CSRNP1: variants seen among roughly 807,000 people sequenced by gnomAD.
CSRNP1 encodes cysteine/serine-rich nuclear protein 1.
In CSRNP1, 8 loss-of-function variants were observed where a neutral mutation model predicts 25.0. The ratio of observed to expected loss-of-function variants is 0.32; its 90% CI spans 0.19 to 0.58. The LOEUF (loss-of-function observed/expected upper bound fraction) is 0.58. Among genes scored for constraint, CSRNP1 ranks in the 20% least tolerant of loss-of-function variants. The pLI is 0.88. For synonymous variants in CSRNP1, 305 were observed against 303.1 expected, an observed-to-expected ratio of 1.01 and a Z score of -0.06; for missense variants, 691 against 773.1, an observed-to-expected ratio of 0.89 and a Z score of 1.26.
chr3:39,142,935 G>T lies in CSRNP1; in HGVS notation c.*120C>A. On this transcript the variant is annotated 3_prime_UTR_variant, in exon 5 of 5. Coordinates refer to ENST00000273153, the MANE Select transcript of CSRNP1 (RefSeq NM_033027.4). Reference sequence around the variant, plus strand: ...AGAATTGTTTGAAAACCAGGAGTGTGCACATGGCACCTGTGGGTGAGCCAG... The same window carrying T: ...AGAATTGTTTGAAAACCAGGAGTGTTCACATGGCACCTGTGGGTGAGCCAG... 1 of 1,105,586 alleles carries T rather than the reference G, an allele frequency of 9.0e-7. No homozygotes were observed. The highest frequency in any genetic ancestry group is 1.3e-6 in the Non-Finnish European group (1 of 767,096). 68.5% of individuals were successfully genotyped at this position (1,105,586 alleles called of 1,614,324 possible). A position where few individuals can be genotyped will look rare whatever the true frequency, so the allele number is the denominator to read the frequency against.
intron 2 of CSRNP1, among the ~76,000 whole-genome samples, chr3:39,145,558 C>A (rs1365951678): frequency 2.6e-5 from 4 of 152,110 alleles, no homozygotes; most frequent in African/African-American, 9.7e-5. Context: ...GTACAGTTTT[C>A]TATTGTTTTT....
At chr3:39,148,771 G>A (rs951541769) in intron 1 of CSRNP1, 2 of 152,272 alleles carry the variant, frequency 1.3e-5, no homozygotes, top group African/African-American at 4.8e-5. Context: ...GGGAGTTCAT[G>A]TAAATCCGTT....
chr3:39,152,199 A>C (rs2039590410), intron 1 of CSRNP1: 2 of 152,554 alleles, frequency 1.3e-5, no homozygotes, highest in African/African-American at 4.8e-5. Context: ...AGTTCCAGAT[A>C]GGGGCTCCGC....
chr3:39,142,823 T>TG lies in CSRNP1; in HGVS notation c.*231dup, dbSNP rs573912089. On this transcript the variant is annotated 3_prime_UTR_variant, in exon 5 of 5. Transcript: ENST00000273153. ...GAGATAGAAGAGCAAGCTGTGGGTGTGGGGGGCCGGGCAGCTGAAAGGGGA... is the reference window on the plus strand; with the variant it reads ...GAGATAGAAGAGCAAGCTGTGGGTGTGGGGGGGCCGGGCAGCTGAAAGGGGA... 3.1e-4 allele frequency: 132 copies of TG among 426,766 alleles called. 2 individuals are homozygous for TG. In the East Asian group the frequency reaches 3.1e-3, roughly 10 times the overall value. 26.4% of individuals were successfully genotyped at this position (426,766 alleles called of 1,614,324 possible). A position where few individuals can be genotyped will look rare whatever the true frequency, so the allele number is the denominator to read the frequency against.
In CSRNP1 at chr3:39,146,629, C is replaced by A; in HGVS notation, c.54G>T (p.Ser18=). Residue 18 remains serine (S), a synonymous_variant, in exon 2 of 5, where the codon TCG becomes TCT. Coordinates refer to ENST00000273153, the MANE Select transcript of CSRNP1 (RefSeq NM_033027.4). ...KFDQLDEDNS[S]VSSSSSSSGC... ...CAGAGGAAGAGGAGGAGGAGGAGAC[C>A]GAGGAGTTGTCCTCATCCAGCTGGT... 1.9e-6 allele frequency: 3 copies of A among 1,572,334 alleles called. No individual in the cohort carries two copies. Among genetic ancestry groups the A allele is most frequent in the Non-Finnish European group, 2.6e-6 (3 of 1,158,564 alleles).
intron 2 of CSRNP1, 30 bp downstream of exon 2, chr3:39,146,448 G>A: frequency 6.7e-7 from 1 of 1,495,024 alleles, no homozygotes; most frequent in Non-Finnish European, 8.9e-7. Flanking sequence ...GCAGGCAGGT[G>A]ATGGAGTTCC....
rs1045645967 is a variant in CSRNP1 at position 39,143,989 on chromosome 3, A to G, written c.836T>C (p.Met279Thr). The G allele has an allele frequency of 1.9e-6, 3 of 1,613,712 alleles. No homozygotes were observed. Among genetic ancestry groups the G allele is most frequent in the African/African-American group, 1.3e-5 (1 of 74,924 alleles). Residue 279 changes from methionine to threonine, a missense_variant, in exon 5 of 5, where the codon ATG becomes ACG. Met to Thr is a moderately conservative substitution (Grantham distance 81). Coordinates refer to ENST00000273153, the MANE Select transcript of CSRNP1 (RefSeq NM_033027.4). Reference sequence around the variant, plus strand: ...TGCCTGATTAAATTCCACACGGCCCATGGGGTTCTCACAGCCCTCCCTGCA... The same window carrying G: ...TGCCTGATTAAATTCCACACGGCCCGTGGGGTTCTCACAGCCCTCCCTGCA... Reference protein sequence around the residue: ...GCCREGCENPMGRVEFNQARV... With the variant: ...GCCREGCENPTGRVEFNQARV...
chr3:39,147,277 C>A (rs563671346), intron 1 of CSRNP1, among the ~76,000 whole-genome samples: 1 of 152,038 alleles, frequency 6.6e-6, no homozygotes, highest in South Asian at 2.1e-4. Context: ...ACAGCCCGCA[C>A]GGCCCTGGTA....
In CSRNP1 at chr3:39,144,052, G is replaced by C. The variant is rs936990444; in HGVS notation, c.781-8C>G. 1 of 1,609,642 alleles carries C rather than the reference G, an allele frequency of 6.2e-7. No homozygotes were observed. Among genetic ancestry groups the C allele is most frequent in the African/African-American group, 1.3e-5 (1 of 74,874 alleles). On this transcript the variant is annotated splice_polypyrimidine_tract_variant and splice_region_variant and intron_variant, in intron 4 of 4. Coordinates refer to ENST00000273153, the MANE Select transcript of CSRNP1 (RefSeq NM_033027.4). ...GAATGCTGTGTGGTCCATCTGCAGA[G>C]AAAAGTAGAGGTACAAGTGAGGGTT...
Position 39,146,676 on chromosome 3 carries a change from C to T in CSRNP1, c.7G>A (p.Gly3Arg). ...TGGTCAAATTTCCTCTTCAACAGCC[C>T]AGTCATGGTGGTGCCGGACGTGCTC... MT[G>R]LLKRKFDQLD... The change falls in exon 2 of 5, where the codon GGG becomes AGG. Residue 3 changes from glycine (G) to arginine (R), a missense_variant. By Grantham distance (125) the Gly-to-Arg change is moderately radical. Transcript: ENST00000273153. The T allele has an allele frequency of 1.3e-6, 2 of 1,561,712 alleles. No homozygotes were observed. Among genetic ancestry groups the T allele is most frequent in the African/African-American group, 1.4e-5 (1 of 73,456 alleles).
In CSRNP1 at chr3:39,143,432, A is replaced by T. The variant is rs749757279; in HGVS notation, c.1393T>A (p.Phe465Ile). The change falls in exon 5 of 5, where the codon TTC (phenylalanine) becomes ATC (isoleucine). Residue 465 changes from phenylalanine to isoleucine, a missense_variant. By Grantham distance (21) the Phe-to-Ile change is conservative. Coordinates refer to ENST00000273153, the MANE Select transcript of CSRNP1 (RefSeq NM_033027.4). ...DENANLDASC[F>I]LNGGLEGSRE... ...GACCCTTCAAGGCCACCATTTAGGA[A>T]GCAGCTGGCATCCAGGTTGGCATTC... 1 of 1,614,142 alleles carries T rather than the reference A, an allele frequency of 6.2e-7. No homozygotes were observed. The highest frequency in any genetic ancestry group is 8.5e-7 in the Non-Finnish European group (1 of 1,179,976).
At chr3:39,146,398 G>GCATTTGGTCAGGGA (rs2039511267) in intron 2 of CSRNP1, 80 bp downstream of exon 2, 10 of 1,456,544 alleles carry the variant, frequency 6.9e-6, no homozygotes, top group Non-Finnish European at 9.1e-6. Context: ...GAGGCCAAAG[G>GCATTTGGTCAGGGA]CATTTGGTCA....
chr3:39,144,575 G>T, intron 3 of CSRNP1, 124 bp from the exon 4 acceptor site: 1 of 940,388 alleles, frequency 1.1e-6, no homozygotes. Flanking sequence ...TCTGCGATGG[G>T]CACTGTGTGT....
At chr3:39,144,906 A>T in intron 3 of CSRNP1, 91 bp downstream of exon 3, 1 of 1,431,000 alleles carries the variant, frequency 7.0e-7, no homozygotes, top group Non-Finnish European at 9.4e-7. Flanking sequence ...ATAATGAGCA[A>T]GTCAGCACCC....
Position 39,144,469 on chromosome 3 carries a change from A to C in CSRNP1, c.466-18T>G, listed in dbSNP as rs775323926. ...GCCGAAAGCTGCATCCACAGGAAAG[A>C]GGGATGTAAGAAGCACAGACATGGA... On this transcript the variant is annotated intron_variant, in intron 3 of 4. Coordinates refer to ENST00000273153, the MANE Select transcript of CSRNP1 (RefSeq NM_033027.4). 1 of 1,584,756 alleles carries C rather than the reference A, an allele frequency of 6.3e-7. No individual in the cohort carries two copies. Among genetic ancestry groups the C allele is most frequent in the Non-Finnish European group, 8.6e-7 (1 of 1,166,946 alleles).
chr3:39,145,225 C>T lies in CSRNP1; in HGVS notation c.237G>A (p.Glu79=). The change falls in exon 3 of 5, where the codon GAG becomes GAA. Residue 79 remains glutamate, a synonymous_variant. Transcript: ENST00000273153. ...CATCAAAGGCTACACGGCCTGGGCG[C>T]TCCCGGCGAGCCCGCTTCAGGATAG... is the stretch of plus-strand genomic sequence containing the variant. ...PLSILKRARR[E]RPGRVAFDGI... is the part of the protein sequence containing the mutation. The T allele has an allele frequency of 6.2e-7, 1 of 1,608,548 alleles. No homozygotes were observed. Among genetic ancestry groups the T allele is most frequent in the Non-Finnish European group, 8.5e-7 (1 of 1,175,848 alleles).
rs1164952880 is a variant in CSRNP1 at position 39,142,792 on chromosome 3, G to A, written c.*263C>T. On this transcript the variant is annotated 3_prime_UTR_variant, in exon 5 of 5. Coordinates refer to ENST00000273153, the MANE Select transcript of CSRNP1 (RefSeq NM_033027.4). ...ACATTTTCTCCTCTTCCAGGCTCAC[G>A]TTGTGGAGATAGAAGAGCAAGCTGT... 7 of 364,564 alleles carry A rather than the reference G, an allele frequency of 1.9e-5. No homozygotes were observed. Among genetic ancestry groups the A allele is most frequent in the African/African-American group, 4.1e-5 (2 of 48,300 alleles). The allele number at this position is 364,564 out of a possible 1,614,324, so 22.6% of individuals were successfully genotyped here. A position where few individuals can be genotyped will look rare whatever the true frequency, so the allele number is the denominator to read the frequency against.
intron 1 of CSRNP1, chr3:39,152,476 G>C (rs1276186679): frequency 1.3e-5 from 2 of 153,282 alleles, no homozygotes; most frequent in Admixed American, 6.5e-5. Context: ...ACCAAGATGT[G>C]GAGAAGGAAG....
Position 39,142,893 on chromosome 3 carries a change from CAAAT to C in CSRNP1, c.*158_*161del, listed in dbSNP as rs755209802. 5.9e-5 allele frequency: 51 copies of C among 869,260 alleles called. No homozygotes were observed. Among genetic ancestry groups the C allele is most frequent in the Non-Finnish European group, 7.3e-5 (43 of 586,284 alleles). The allele number at this position is 869,260 out of a possible 1,614,324, so 53.8% of individuals were successfully genotyped here. On this transcript the variant is annotated 3_prime_UTR_variant, in exon 5 of 5. Coordinates refer to ENST00000273153, the MANE Select transcript of CSRNP1 (RefSeq NM_033027.4). ...TCTCTTCAGCACAGAAAAGTTAAAA[CAAAT>C]AAATAAATCCAGAGAATTGTTTGAA...
Sources: allele counts gnomAD v4.1 joint callset (sites outside exome capture counted in the v4.1 genomes callset), GRCh38; gene constraint gnomAD v4.1.1; transcripts MANE v1.5; gene names NCBI Gene and HGNC (gene_info 2026-07-23, HGNC 2026-07-21).